Variants in G3BP2 observed in about 807,000 individuals in gnomAD.
The protein encoded by G3BP2 is G3BP stress granule assembly factor 2, also known as ras GTPase-activating protein-binding protein 2.
G3BP2 carries 11 observed loss-of-function variants against 56.7 expected under a neutral mutation model. The observed-to-expected ratio is 0.19, with a 90% confidence interval of 0.12 to 0.32. The LOEUF (loss-of-function observed/expected upper bound fraction) is 0.32, where lower values mean the gene tolerates loss of function less well. Among genes scored for constraint, G3BP2 ranks in the 10% least tolerant of loss-of-function variants. The probability of loss-of-function intolerance (pLI) is 1.00; values close to 1 mark genes in which losing one functional copy is unlikely to be tolerated. For missense variants in G3BP2, 340 were observed against 610.9 expected (o/e 0.56, Z 4.67); for synonymous variants, 165 against 191.6 (o/e 0.86, Z 1.15).
At chr4:75,713,269 T>C (rs919050512) in intron 3 of G3BP2, among the ~76,000 whole-genome samples, 18 of 152,146 alleles carry the variant, frequency 1.2e-4, no homozygotes, top group Non-Finnish European at 2.5e-4. Flanking sequence ...TGGAGATTCC[T>C]GGAAAGCTTT....
At chr4:75,680,802 T>C (rs1734040835) in intron 3 of G3BP2, among the ~76,000 whole-genome samples, 1 of 151,190 alleles carries the variant, frequency 6.6e-6, no homozygotes, top group African/African-American at 2.4e-5. Context: ...CCATCTGTAC[T>C]AAAAATACAA....
chr4:75,645,027 A>T lies in G3BP2; in HGVS notation c.*403T>A, dbSNP rs566601025. 1 of 177,344 alleles carries T rather than the reference A, an allele frequency of 5.6e-6. No individual in the cohort carries two copies. Among genetic ancestry groups the T allele is most frequent in the African/African-American group, 2.4e-5 (1 of 42,038 alleles). 11.0% of individuals were successfully genotyped at this position (177,344 alleles called of 1,614,324 possible). On this transcript the variant is annotated 3_prime_UTR_variant, in exon 12 of 12. Coordinates refer to ENST00000359707, the MANE Select transcript of G3BP2 (RefSeq NM_203505.3). ...GGGGGGAGCCAAGAAAAAAGGCAAG[A>T]TTCTCCAATTGCACAAATTGCACTA...
chr4:75,650,618 G>C (rs528194224), intron 8 of G3BP2, among the ~76,000 whole-genome samples: 27 of 152,024 alleles, frequency 1.8e-4, no homozygotes, highest in Non-Finnish European at 3.1e-4. Context: ...CCATATTCTA[G>C]AATTCTACTA....
intron 1 of G3BP2, among the ~76,000 whole-genome samples, chr4:75,666,959 C>T (rs577215913): frequency 1.1e-4 from 16 of 152,166 alleles, no homozygotes; most frequent in South Asian, 6.2e-4. Flanking sequence ...AAGAAATCCC[C>T]GGTCAAGCCT....
At chr4:75,668,614 T>G (rs182107162) in intron 1 of G3BP2, among the ~76,000 whole-genome samples, 2 of 152,330 alleles carry the variant, frequency 1.3e-5, no homozygotes, top group African/African-American at 4.8e-5. Context: ...GGCACAAACA[T>G]AGTAGAGTCC....
chr4:75,674,706 ATATATATATATATTTTTTTTTTTT>A (rs1414869788), upstream of G3BP2, among the ~76,000 whole-genome samples: 4 of 43,076 alleles, frequency 9.3e-5, no homozygotes, highest in Non-Finnish European at 1.9e-4. Context: ...ATATATATAT[ATATATATATATATTTTTTTTTTTT>A]TTTTTTTTTT....
chr4:75,666,504 C>T (rs75834520), intron 1 of G3BP2, among the ~76,000 whole-genome samples: 2 of 152,126 alleles, frequency 1.3e-5, no homozygotes, highest in Non-Finnish European at 2.9e-5. Flanking sequence ...AACCATAACT[C>T]CGATTTGAAG....
At chr4:75,707,287 GT>G (rs1459481516) in intron 3 of G3BP2, among the ~76,000 whole-genome samples, 1 of 151,970 alleles carries the variant, frequency 6.6e-6, no homozygotes, top group African/African-American at 2.4e-5. Context: ...TCACAACCAG[GT>G]TGGGATAAAG....
At chr4:75,669,813 C>T (rs1045008913) in intron 1 of G3BP2, among the ~76,000 whole-genome samples, 11 of 152,180 alleles carry the variant, frequency 7.2e-5, no homozygotes, top group African/African-American at 2.4e-4. Context: ...GAAAAAGAGG[C>T]CGGGTGCAGT....
intron 3 of G3BP2, among the ~76,000 whole-genome samples, chr4:75,717,396 G>T (rs1719970806): frequency 6.6e-6 from 1 of 152,050 alleles, no homozygotes; most frequent in South Asian, 2.1e-4. Flanking sequence ...GGGGACCTTG[G>T]AAGTGTGGGC....
At chr4:75,684,948 C>T (rs1296360244) in intron 3 of G3BP2, among the ~76,000 whole-genome samples, 1 of 151,976 alleles carries the variant, frequency 6.6e-6, no homozygotes, top group South Asian at 2.1e-4. Flanking sequence ...ATAAAGAATA[C>T]TATTTTTTAT....
upstream of G3BP2, among the ~76,000 whole-genome samples, chr4:75,678,031 G>C (rs1733940760): frequency 6.6e-6 from 1 of 152,212 alleles, no homozygotes; most frequent in Non-Finnish European, 1.5e-5. Flanking sequence ...CACCATCTTT[G>C]AAGCAGAGCA....
At chr4:75,722,494 G>C (rs919041565) in intron 1 of G3BP2, among the ~76,000 whole-genome samples, 1 of 152,164 alleles carries the variant, frequency 6.6e-6, no homozygotes, top group African/African-American at 2.4e-5. Flanking sequence ...CTCCGTCTAT[G>C]AGCCTCATTC....
At chr4:75,719,154 C>G (rs1364008485) in intron 3 of G3BP2, among the ~76,000 whole-genome samples, 1 of 151,668 alleles carries the variant, frequency 6.6e-6, no homozygotes, top group Non-Finnish European at 1.5e-5. Context: ...CGAGACCATC[C>G]CGGCTAAAAC....
chr4:75,702,820 A>C (rs747226656), intron 3 of G3BP2, among the ~76,000 whole-genome samples: 1 of 152,216 alleles, frequency 6.6e-6, no homozygotes, highest in Admixed American at 6.5e-5. Flanking sequence ...AGTAAACTGC[A>C]CTATAACCAG....
At chr4:75,650,165 T>C (rs1374412705) in intron 8 of G3BP2, among the ~76,000 whole-genome samples, 3 of 151,388 alleles carry the variant, frequency 2.0e-5, no homozygotes, top group Non-Finnish European at 4.4e-5. Context: ...CCAGGCACAG[T>C]AGCTCATGCC....
chr4:75,665,522 G>GT (rs981219785), intron 1 of G3BP2, among the ~76,000 whole-genome samples: 1 of 152,114 alleles, frequency 6.6e-6, no homozygotes, highest in African/African-American at 2.4e-5. Context: ...GAAGTGGGCA[G>GT]ACTGCTTGAG....
intron 3 of G3BP2, among the ~76,000 whole-genome samples, chr4:75,715,736 G>A (rs534079800): frequency 4.6e-5 from 7 of 152,168 alleles, no homozygotes; most frequent in South Asian, 2.1e-4. Flanking sequence ...GCCATGCCCC[G>A]GGGCTTTTCT....
At chr4:75,700,281 T>G (rs531943251) in intron 3 of G3BP2, among the ~76,000 whole-genome samples, 2 of 151,768 alleles carry the variant, frequency 1.3e-5, no homozygotes, top group South Asian at 4.2e-4. Context: ...CTTGATCTCC[T>G]GACCTCTTGA....
Sources: allele counts gnomAD v4.1 joint callset (sites outside exome capture counted in the v4.1 genomes callset), GRCh38; gene constraint gnomAD v4.1.1; transcripts MANE v1.5; gene names NCBI Gene and HGNC (gene_info 2026-07-23, HGNC 2026-07-21).